Variants in SLC14A2 observed in about 807,000 individuals in gnomAD.
The protein encoded by SLC14A2 is urea transporter 2.
In SLC14A2, 91 loss-of-function variants were observed where a neutral mutation model predicts 104.6. That is an observed-to-expected ratio of 0.87 (90% CI 0.73 to 1.04). The LOEUF (loss-of-function observed/expected upper bound fraction) is 1.04, where lower values mean the gene tolerates loss of function less well. Ranked by LOEUF, SLC14A2 falls within the 50% of genes least tolerant of loss-of-function variation. The pLI is 0.00. For missense variants in SLC14A2, 1,189 were observed against 1,156.0 expected, an observed-to-expected ratio of 1.03 and a Z score of -0.41; for synonymous variants, 476 against 466.4, an observed-to-expected ratio of 1.02 and a Z score of -0.27.
chr18:45,414,756 AAATATATAT>A (rs1331694483), intron 1 of SLC14A2, among the ~76,000 whole-genome samples: 20 of 71,378 alleles, frequency 2.8e-4, no homozygotes, highest in African/African-American at 1.2e-3. Flanking sequence ...AAAAAAAAAA[AAATATATAT>A]ATATATATAT....
chr18:45,298,223 T>A (rs2084935331), intron 1 of SLC14A2, among the ~76,000 whole-genome samples: 1 of 152,172 alleles, frequency 6.6e-6, no homozygotes, highest in Non-Finnish European at 1.5e-5. Context: ...TGTTCCAGAA[T>A]CATTTGTTCT....
At chr18:45,173,673 G>A in the SLC14A2 span, among the ~76,000 whole-genome samples, 575 of 152,112 alleles carry the variant, frequency 3.8e-3, 3 homozygotes, top group South Asian at 9.5e-3. Flanking sequence ...AAGCATGCAT[G>A]GATAATCACA....
chr18:45,440,815 A>G (rs1376489658), intron 1 of SLC14A2, among the ~76,000 whole-genome samples: 1 of 152,178 alleles, frequency 6.6e-6, no homozygotes, highest in African/African-American at 2.4e-5. Context: ...GGCTGTTGCT[A>G]TTGTCACTTA....
At chr18:45,502,559 A>G (rs900769261) in intron 2 of SLC14A2, among the ~76,000 whole-genome samples, 1 of 152,230 alleles carries the variant, frequency 6.6e-6, no homozygotes, top group Non-Finnish European at 1.5e-5. Context: ...ATGGGCAACA[A>G]TATTGCACCA....
At chr18:45,474,668 G>C (rs779142696) in intron 1 of SLC14A2, among the ~76,000 whole-genome samples, 1 of 152,120 alleles carries the variant, frequency 6.6e-6, no homozygotes, top group African/African-American at 2.4e-5. Context: ...TTTGCATAGA[G>C]GTGTTTATAG....
At chr18:45,289,144 G>A (rs1227148014) in intron 1 of SLC14A2, among the ~76,000 whole-genome samples, 6 of 152,190 alleles carry the variant, frequency 3.9e-5, no homozygotes, top group African/African-American at 1.2e-4. Context: ...GGCAGGGGCT[G>A]GGTATGCTGC....
intron 16 of SLC14A2, among the ~76,000 whole-genome samples, chr18:45,672,542 A>G (rs183602642): frequency 6.3e-4 from 96 of 152,286 alleles, no homozygotes; most frequent in African/African-American, 2.2e-3. Context: ...AAAAAAAAAA[A>G]AAATTCACAA....
chr18:45,540,702 G>A (rs1217363112), intron 2 of SLC14A2, among the ~76,000 whole-genome samples: 2 of 152,042 alleles, frequency 1.3e-5, no homozygotes, highest in Admixed American at 6.6e-5. Flanking sequence ...CTGAGATCAC[G>A]CCACTGAACT....
intron 2 of SLC14A2, among the ~76,000 whole-genome samples, chr18:45,499,679 A>C (rs1393018328): frequency 6.6e-6 from 1 of 152,210 alleles, no homozygotes; most frequent in Non-Finnish European, 1.5e-5. Flanking sequence ...TTGGAGCTGC[A>C]GTGTGTTGGG....
At chr18:45,590,209 A>G (rs1827906993) in intron 2 of SLC14A2, among the ~76,000 whole-genome samples, 2 of 152,130 alleles carry the variant, frequency 1.3e-5, no homozygotes. Context: ...GAGTTCCTGA[A>G]TCCCAGTTTG....
intron 2 of SLC14A2, among the ~76,000 whole-genome samples, chr18:45,582,462 G>A (rs1177949966): frequency 6.6e-6 from 1 of 152,012 alleles, no homozygotes; most frequent in East Asian, 1.9e-4. Flanking sequence ...TTGACCATTT[G>A]TGATACTGAC....
At chr18:45,251,361 T>C (rs996652311) in intron 1 of SLC14A2, among the ~76,000 whole-genome samples, 3 of 152,220 alleles carry the variant, frequency 2.0e-5, no homozygotes, top group African/African-American at 7.2e-5. Flanking sequence ...ATTAATTCAT[T>C]CTTAGAAAAG....
At chr18:45,639,506 C>T (rs1261850496) in intron 6 of SLC14A2, among the ~76,000 whole-genome samples, 1 of 152,140 alleles carries the variant, frequency 6.6e-6, no homozygotes, top group Non-Finnish European at 1.5e-5. Context: ...AGCATCCATG[C>T]CCAGCCCATG....
chr18:45,559,603 T>A (rs1392695231), intron 2 of SLC14A2, among the ~76,000 whole-genome samples: 1 of 152,190 alleles, frequency 6.6e-6, no homozygotes, highest in African/African-American at 2.4e-5. Flanking sequence ...CAAAGCCCTG[T>A]GGTATAAAAT....
intron 1 of SLC14A2, among the ~76,000 whole-genome samples, chr18:45,427,451 A>G (rs1345142143): frequency 6.6e-6 from 1 of 152,084 alleles, no homozygotes; most frequent in Non-Finnish European, 1.5e-5. Context: ...ACCACCCTGA[A>G]GTTCCTCCTG....
rs114187573 is a variant in SLC14A2 at position 45,291,335 on chromosome 18, G to T, written c.-125+78144G>T. ...AATTCTTTCTTTCTCTCCCATAAAG[G>T]TTGCGTGGTAATAATGAGGAATGAT... On this transcript the variant is annotated intron_variant, in intron 1 of 20. Coordinates refer to the SLC14A2 transcript ENST00000586448. Among the ~76,000 whole-genome samples, 498 of 152,120 alleles carry T rather than the reference G, an allele frequency of 3.3e-3. 4 individuals are homozygous for T. Among genetic ancestry groups the T allele is most frequent in the African/African-American group, 0.011 (456 of 41,490 alleles).
At chr18:45,621,563 G>A (rs1003660258) in intron 1 of SLC14A2, among the ~76,000 whole-genome samples, 1 of 152,148 alleles carries the variant, frequency 6.6e-6, no homozygotes, top group East Asian at 1.9e-4. Context: ...TCAGTCACCT[G>A]TAACCTTGCT....
chr18:45,349,078 A>G (rs1330093624), intron 1 of SLC14A2, among the ~76,000 whole-genome samples: 1 of 152,214 alleles, frequency 6.6e-6, no homozygotes, highest in Non-Finnish European at 1.5e-5. Context: ...GACAGTGTGT[A>G]ATGGAGTTTC....
intron 1 of SLC14A2, among the ~76,000 whole-genome samples, chr18:45,349,477 C>A (rs191556218): frequency 4.6e-4 from 70 of 152,294 alleles, no homozygotes; most frequent in African/African-American, 1.5e-3. Flanking sequence ...ACATTCCAAC[C>A]TTCTCCTAGA....
Sources: allele counts gnomAD v4.1 joint callset (sites outside exome capture counted in the v4.1 genomes callset), GRCh38; gene constraint gnomAD v4.1.1; transcripts MANE v1.5; gene names NCBI Gene and HGNC (gene_info 2026-07-23, HGNC 2026-07-21).